Variants in MAPRE2 observed in about 807,000 individuals in gnomAD.
The protein encoded by MAPRE2 is microtubule-associated protein RP/EB family member 2.
MAPRE2 carries 13 observed loss-of-function variants against 43.2 expected under a neutral mutation model. The ratio of observed to expected loss-of-function variants is 0.30; its 90% CI spans 0.20 to 0.48. The LOEUF (loss-of-function observed/expected upper bound fraction) is 0.48, where lower values mean the gene tolerates loss of function less well. Among genes scored for constraint, MAPRE2 ranks in the 20% least tolerant of loss-of-function variants. The probability of loss-of-function intolerance (pLI) is 0.99; values close to 1 mark genes in which losing one functional copy is unlikely to be tolerated. For missense variants in MAPRE2, 161 were observed against 400.2 expected (o/e 0.40, Z 5.10); for synonymous variants, 135 against 148.8 (o/e 0.91, Z 0.68).
chr18:35,010,212 C>T (rs1245262940), intron 2 of MAPRE2, among the ~76,000 whole-genome samples: 1 of 152,024 alleles, frequency 6.6e-6, no homozygotes, highest in Non-Finnish European at 1.5e-5. Context: ...TATAGCAAGA[C>T]CTCATCTCTC....
chr18:35,086,364 A>C (rs1010698169), intron 2 of MAPRE2, among the ~76,000 whole-genome samples: 13 of 151,922 alleles, frequency 8.6e-5, no homozygotes, highest in Admixed American at 7.2e-4. Flanking sequence ...TTATATACAC[A>C]TTGTATATAT....
At chr18:34,978,294 A>G (rs1057203816) in intron 1 of MAPRE2, 3 of 611,844 alleles carry the variant, frequency 4.9e-6, no homozygotes, top group African/African-American at 3.7e-5. Flanking sequence ...CGTGCTGTCA[A>G]TGTAGAATGA....
intron 2 of MAPRE2, among the ~76,000 whole-genome samples, chr18:35,010,266 T>A (rs1264021860): frequency 6.6e-6 from 1 of 152,094 alleles, no homozygotes; most frequent in Non-Finnish European, 1.5e-5. Context: ...AATTAGCCAG[T>A]GTGGTGGCCC....
chr18:34,987,050 C>G (rs1325633503), intron 1 of MAPRE2, among the ~76,000 whole-genome samples: 1 of 151,994 alleles, frequency 6.6e-6, no homozygotes, highest in Non-Finnish European at 1.5e-5. Context: ...AAGCCATTAA[C>G]TGAAGTTTTT....
At chr18:35,116,081 A>G (rs746987979) in intron 4 of MAPRE2, among the ~76,000 whole-genome samples, 1 of 152,242 alleles carries the variant, frequency 6.6e-6, no homozygotes, top group Non-Finnish European at 1.5e-5. Context: ...GACAATAAAT[A>G]GGCAATAGTA....
chr18:35,054,698 G>C (rs1603395150), intron 1 of MAPRE2, among the ~76,000 whole-genome samples: 1 of 152,130 alleles, frequency 6.6e-6, no homozygotes, highest in South Asian at 2.1e-4. Flanking sequence ...TTGTTTGTTT[G>C]TTTCTTTTTT....
chr18:35,023,508 T>C (rs2097043228), intron 2 of MAPRE2, among the ~76,000 whole-genome samples: 1 of 148,004 alleles, frequency 6.8e-6, no homozygotes, highest in African/African-American at 2.6e-5. Context: ...CGAGACTCCT[T>C]CGCAAAAAAT....
chr18:35,066,198 C>A (rs1001430705), intron 1 of MAPRE2, among the ~76,000 whole-genome samples: 4 of 152,148 alleles, frequency 2.6e-5, no homozygotes, highest in African/African-American at 9.7e-5. Context: ...TAATTCCTAC[C>A]TTCCATAGGA....
At chr18:35,105,396 G>T (rs909279401) in intron 4 of MAPRE2, among the ~76,000 whole-genome samples, 2 of 151,868 alleles carry the variant, frequency 1.3e-5, no homozygotes, top group Non-Finnish European at 2.9e-5. Context: ...CTGATTTTTG[G>T]GCATTGTAGG....
At chr18:35,025,506 C>A (rs778398479) in intron 2 of MAPRE2, among the ~76,000 whole-genome samples, 2 of 152,078 alleles carry the variant, frequency 1.3e-5, no homozygotes, top group Non-Finnish European at 2.9e-5. Flanking sequence ...ATGATGTACT[C>A]GATTGTAATT....
chr18:35,108,208 G>A (rs550675136), intron 4 of MAPRE2, among the ~76,000 whole-genome samples: 5 of 152,240 alleles, frequency 3.3e-5, no homozygotes, highest in Admixed American at 3.3e-4. Context: ...CACTTTGAGT[G>A]AGAACATGCA....
chr18:35,010,459 G>T (rs2097033994), intron 2 of MAPRE2, among the ~76,000 whole-genome samples: 1 of 152,184 alleles, frequency 6.6e-6, no homozygotes, highest in Non-Finnish European at 1.5e-5. Context: ...CTTGTTTGTT[G>T]TGAGAATAAT....
chr18:35,120,681 C>G (rs1373796673), intron 4 of MAPRE2, among the ~76,000 whole-genome samples: 3 of 152,188 alleles, frequency 2.0e-5, no homozygotes, highest in Non-Finnish European at 4.4e-5. Context: ...GGAATTCACT[C>G]TCCTCATCAG....
At chr18:35,052,893 AT>A (rs1346587640) in intron 1 of MAPRE2, among the ~76,000 whole-genome samples, 2 of 152,196 alleles carry the variant, frequency 1.3e-5, no homozygotes, top group African/African-American at 4.8e-5. Flanking sequence ...ATTTAAAAAA[AT>A]AGGTTATCTT....
At position 35,012,506 on chromosome 18, in the gene MAPRE2, T is replaced by C. The variant is rs865779871; in HGVS notation, c.-8+6953T>C. Among the ~76,000 whole-genome samples the C allele has an allele frequency of 3.3e-5, 5 of 152,150 alleles. No individual in the cohort carries two copies. In the South Asian group the frequency reaches 1.0e-3, roughly 32 times the overall value. ...AAGGTGGAAACAACCCAAGTGTCCATTGAGAGATGAATGGATAAACAAAAT... is the reference window on the plus strand; with the variant it reads ...AAGGTGGAAACAACCCAAGTGTCCACTGAGAGATGAATGGATAAACAAAAT... On this transcript the variant is annotated intron_variant, in intron 2 of 7. Transcript: ENST00000413393.
chr18:35,124,941 G>A (rs1909842922), intron 4 of MAPRE2, among the ~76,000 whole-genome samples: 3 of 152,132 alleles, frequency 2.0e-5, no homozygotes, highest in Admixed American at 2.0e-4. Flanking sequence ...CAACAGAGCT[G>A]AAGCCCATAT....
intron 6 of MAPRE2, among the ~76,000 whole-genome samples, chr18:35,137,818 A>G (rs1307741096): frequency 6.6e-6 from 1 of 152,170 alleles, no homozygotes; most frequent in African/African-American, 2.4e-5. Context: ...GAGGGAAGCC[A>G]TTATCTCGGG....
At chr18:35,133,849 A>G (rs1910271964) in intron 6 of MAPRE2, among the ~76,000 whole-genome samples, 1 of 152,102 alleles carries the variant, frequency 6.6e-6, no homozygotes, top group Non-Finnish European at 1.5e-5. Flanking sequence ...CAGGGGGTCT[A>G]CCTAGATGAC....
At chr18:35,046,853 G>C (rs1442769270) in intron 1 of MAPRE2, among the ~76,000 whole-genome samples, 1 of 152,158 alleles carries the variant, frequency 6.6e-6, no homozygotes, top group East Asian at 1.9e-4. Flanking sequence ...CTGGTACTTA[G>C]CCCAGACAGT....
Sources: gnomAD v4.1 joint callset for allele counts (sites outside exome capture counted in the v4.1 genomes callset) on GRCh38, gnomAD v4.1.1 for gene constraint, MANE v1.5 for transcripts, NCBI Gene and HGNC (gene_info 2026-07-23, HGNC 2026-07-21) for gene names.